STAM2: variants seen among roughly 807,000 people sequenced by gnomAD.
The protein encoded by STAM2 is signal transducing adaptor molecule 2.
In STAM2, 51 loss-of-function variants were observed where a neutral mutation model predicts 65.6. The observed-to-expected ratio is 0.78, with a 90% CI of 0.62 to 0.98. STAM2 has a LOEUF of 0.98. Ranked by LOEUF, STAM2 falls within the 50% of genes least tolerant of loss-of-function variation. STAM2 has a pLI of 0.00. For synonymous variants in STAM2, 198 were observed against 208.4 expected, an observed-to-expected ratio of 0.95 and a Z score of 0.43; for missense variants, 584 against 617.8, an observed-to-expected ratio of 0.95 and a Z score of 0.58.
In STAM2 at chr2:152,152,405, C is replaced by T. The variant is rs760922292; in HGVS notation, c.41-2176G>A. On this transcript the variant is annotated intron_variant, in intron 1 of 13. Coordinates refer to ENST00000263904, the MANE Select transcript of STAM2 (RefSeq NM_005843.6). ...ACTACTAAAAATACAAAAAATTACC[C>T]GGGTGTGGTGGCAGGCGCCTGTAGT... Among the ~76,000 whole-genome samples, 9 of 151,968 alleles carry T rather than the reference C, an allele frequency of 5.9e-5. No individual in the cohort carries two copies. In the East Asian group the frequency reaches 9.7e-4, roughly 16 times the overall value.
intron 10 of STAM2, among the ~76,000 whole-genome samples, chr2:152,132,574 G>A (rs141804791): frequency 2.1e-3 from 327 of 152,196 alleles, no homozygotes; most frequent in South Asian, 7.3e-3. Flanking sequence ...TAAACATACT[G>A]TGTATTTCCC....
rs146711130 is a variant in STAM2, at chr2:152,129,667, C to T, written c.1025+2447G>A. On this transcript the variant is annotated intron_variant, in intron 11 of 13. Coordinates refer to ENST00000263904, the MANE Select transcript of STAM2 (RefSeq NM_005843.6). ...TGGGTTCTGCATCCGTGCACTCAAC[C>T]AACTTCAAATTGAAAATACAAAAAA... 5.9e-4 allele frequency among the ~76,000 whole-genome samples: 90 copies of T among 152,190 alleles called. 1 individual carries two copies. In the East Asian group the frequency reaches 0.016, roughly 27 times the overall value.
chr2:152,153,695 A>G (rs1299541254), intron 1 of STAM2, among the ~76,000 whole-genome samples: 1 of 152,216 alleles, frequency 6.6e-6, no homozygotes, highest in Non-Finnish European at 1.5e-5. Context: ...TGTGCCAAAA[A>G]GACTATTGCT....
intron 12 of STAM2, chr2:152,124,310 A>G (rs1309209948): frequency 1.2e-5 from 2 of 171,504 alleles, no homozygotes; most frequent in Non-Finnish European, 2.5e-5. Flanking sequence ...AGTCACTATA[A>G]GAATGATAAC....
In STAM2 at chr2:152,123,094, C is replaced by T. The variant is rs183951771; in HGVS notation, c.1349+672G>A. Among the ~76,000 whole-genome samples the T allele has an allele frequency of 7.6e-3, 1,149 of 151,292 alleles. 14 individuals are homozygous for T. Among genetic ancestry groups the T allele is most frequent in the African/African-American group, 0.026 (1,075 of 41,244 alleles). On this transcript the variant is annotated intron_variant, in intron 13 of 13. Transcript: ENST00000263904. ...TTAAAAAAAAAAAAACTTGGCCAGG[C>T]GTGGTGGCTCACACCTATAATCCCA...
chr2:152,131,768 G>T, intron 11 of STAM2: 1 of 249,540 alleles, frequency 4.0e-6, no homozygotes, highest in Non-Finnish European at 7.7e-6. Context: ...CATCACTACA[G>T]TGGCAATGAT....
intron 1 of STAM2, among the ~76,000 whole-genome samples, chr2:152,165,713 C>T (rs1560224419): frequency 6.6e-6 from 1 of 152,110 alleles, no homozygotes; most frequent in Non-Finnish European, 1.5e-5. Context: ...CTGACTCAAA[C>T]CCAAATCCAT....
intron 7 of STAM2, among the ~76,000 whole-genome samples, chr2:152,142,489 C>T (rs1689266354): frequency 6.6e-6 from 1 of 152,172 alleles, no homozygotes; most frequent in Admixed American, 6.5e-5. Flanking sequence ...TGTCAGTGTT[C>T]AGAGCCCACA....
intron 7 of STAM2, among the ~76,000 whole-genome samples, chr2:152,140,193 T>C (rs1489556432): frequency 6.6e-6 from 1 of 152,176 alleles, no homozygotes; most frequent in East Asian, 1.9e-4. Flanking sequence ...TTGAAAGGCT[T>C]CTCAGAGGAT....
rs2105523476 is a variant in STAM2, at chr2:152,119,136, G to A, written c.*1438C>T. On this transcript the variant is annotated 3_prime_UTR_variant, in exon 14 of 14. Transcript: ENST00000263904. ...TCCACGTAACTTTTTAAAAACTAAT[G>A]TCCATTGTTTTTCCCAATCTGAATA... 1 of 152,118 alleles carries A rather than the reference G, an allele frequency of 6.6e-6. No individual in the cohort carries two copies. The highest frequency in any genetic ancestry group is 2.1e-4 in the South Asian group (1 of 4,826). The allele number at this position is 152,118 out of a possible 1,614,324, so 9.4% of individuals were successfully genotyped here. A position where few individuals can be genotyped will look rare whatever the true frequency, so the allele number is the denominator to read the frequency against.
chr2:152,150,232 A>G lies in STAM2; in HGVS notation c.41-3T>C, dbSNP rs1689416380. ...GTTGTACTCATTCGTGGCTTTTTCT[A>G]TAAAATATATTGGCATACACAACAA... On this transcript the variant is annotated splice_polypyrimidine_tract_variant and splice_region_variant and intron_variant, in intron 1 of 13. Transcript: ENST00000263904. 6.3e-7 allele frequency: 1 copy of G among 1,597,196 alleles called. No homozygotes were observed. The highest frequency in any genetic ancestry group is 1.7e-5 in the Admixed American group (1 of 59,862).
At chr2:152,156,214 G>T (rs1689543021) in intron 1 of STAM2, among the ~76,000 whole-genome samples, 1 of 152,038 alleles carries the variant, frequency 6.6e-6, no homozygotes, top group Non-Finnish European at 1.5e-5. Context: ...GGAAATTCCT[G>T]ATTTGAATAC....
At chr2:152,166,545 T>A (rs1317338449) in intron 1 of STAM2, among the ~76,000 whole-genome samples, 1 of 152,200 alleles carries the variant, frequency 6.6e-6, no homozygotes, top group East Asian at 1.9e-4. Flanking sequence ...GTCAATAATT[T>A]TCAGGGGACA....
At chr2:152,158,645 CTG>C (rs567498596) in intron 1 of STAM2, among the ~76,000 whole-genome samples, 77 of 152,230 alleles carry the variant, frequency 5.1e-4, no homozygotes, top group African/African-American at 1.9e-3. Flanking sequence ...TTGTCTTAGT[CTG>C]TTTTACACTG....
At chr2:152,154,551 G>A (rs1427424528) in intron 1 of STAM2, among the ~76,000 whole-genome samples, 3 of 152,178 alleles carry the variant, frequency 2.0e-5, no homozygotes, top group Admixed American at 6.5e-5. Flanking sequence ...CTGGGAGGTC[G>A]AGGTTGCAGT....
At chr2:152,148,651 C>T (rs926007157) in intron 2 of STAM2, among the ~76,000 whole-genome samples, 2 of 151,858 alleles carry the variant, frequency 1.3e-5, no homozygotes, top group Admixed American at 6.6e-5. Flanking sequence ...TGACAGAGAC[C>T]GTGTCTCAAA....
intron 12 of STAM2, among the ~76,000 whole-genome samples, chr2:152,124,945 C>A (rs1295830924): frequency 6.6e-6 from 1 of 152,136 alleles, no homozygotes; most frequent in Non-Finnish European, 1.5e-5. Context: ...TTGAATATTT[C>A]AAATGCTCTT....
At chr2:152,132,642 T>C (rs551569970) in intron 10 of STAM2, among the ~76,000 whole-genome samples, 7 of 149,894 alleles carry the variant, frequency 4.7e-5, no homozygotes, top group Non-Finnish European at 8.9e-5. Context: ...CATAACCAGA[T>C]GTTTCTTCTA....
chr2:152,166,148 T>TG (rs1579336400), intron 1 of STAM2, among the ~76,000 whole-genome samples: 2 of 151,876 alleles, frequency 1.3e-5, no homozygotes, highest in South Asian at 4.2e-4. Context: ...CATTCCAGGC[T>TG]GGGGGGCAGA....
Sources: gnomAD v4.1 joint callset for allele counts (sites outside exome capture counted in the v4.1 genomes callset) on GRCh38, gnomAD v4.1.1 for gene constraint, MANE v1.5 for transcripts, NCBI Gene and HGNC (gene_info 2026-07-23, HGNC 2026-07-21) for gene names.